Variants in TSPAN13 observed in about 807,000 individuals in gnomAD.
TSPAN13 encodes the protein tetraspanin 13.
Under a neutral mutation model 26.9 loss-of-function variants are expected in TSPAN13, and 18 were observed. The observed-to-expected ratio is 0.67, with a 90% CI of 0.46 to 0.99. The LOEUF is 0.99. Ranked by LOEUF, TSPAN13 falls within the 50% of genes least tolerant of loss-of-function variation. The pLI, the probability that TSPAN13 is intolerant of heterozygous loss-of-function variation, is 0.00. For synonymous variants in TSPAN13, 116 were observed against 98.4 expected, an observed-to-expected ratio of 1.18 and a Z score of -1.06; for missense variants, 201 against 249.6, an observed-to-expected ratio of 0.81 and a Z score of 1.31.
rs187005224 is a variant in TSPAN13 at position 16,763,849 on chromosome 7, A to G, written c.63+9819A>G. On this transcript the variant is annotated intron_variant, in intron 1 of 5. Transcript: ENST00000262067. ...TGCAAAAACAACATGTGTCTAAGAC[A>G]GAGGTCATTCTTATTCTGGGCAGCA... Among the ~76,000 whole-genome samples the G allele has an allele frequency of 9.6e-4, 146 of 152,350 alleles. 1 individual carries two copies. The highest frequency in any genetic ancestry group is 3.3e-3 in the African/African-American group (138 of 41,590).
rs1583795154 is a variant in TSPAN13, at chr7:16,777,215, T to C, written c.312+93T>C. 19 of 937,258 alleles carry C rather than the reference T, an allele frequency of 2.0e-5. No homozygotes were observed. The East Asian group carries it at 4.4e-4, about 22-fold the overall frequency. 58.1% of individuals were successfully genotyped at this position (937,258 alleles called of 1,614,324 possible). A position where few individuals can be genotyped will look rare whatever the true frequency, so the allele number is the denominator to read the frequency against. On this transcript the variant is annotated intron_variant, in intron 3 of 5. Coordinates refer to ENST00000262067, the MANE Select transcript of TSPAN13 (RefSeq NM_014399.4). Reference sequence around the variant, plus strand: ...ATGATTAGAATATAAAATAATTTCGTCTTGCACAGAATGCCACCTTCACTC... The same window carrying C: ...ATGATTAGAATATAAAATAATTTCGCCTTGCACAGAATGCCACCTTCACTC...
chr7:16,772,556 T>G (rs1353440068), intron 1 of TSPAN13, among the ~76,000 whole-genome samples: 1 of 152,170 alleles, frequency 6.6e-6, no homozygotes, highest in Non-Finnish European at 1.5e-5. Context: ...TATGTCACTT[T>G]CTACATTGTG....
At position 16,753,860 on chromosome 7, in the gene TSPAN13, T is replaced by G; in HGVS notation, c.-108T>G. 6.7e-5 allele frequency: 81 copies of G among 1,203,052 alleles called. No homozygotes were observed. Among genetic ancestry groups the G allele is most frequent in the Middle Eastern group, 2.2e-4 (1 of 4,472 alleles). The allele number at this position is 1,203,052 out of a possible 1,614,324, so 74.5% of individuals were successfully genotyped here. A position where few individuals can be genotyped will look rare whatever the true frequency, so the allele number is the denominator to read the frequency against. On this transcript the variant is annotated 5_prime_UTR_variant, in exon 1 of 6. Transcript: ENST00000262067. The stretch of plus-strand genomic sequence containing the variant: ...CCCCGGCCCCCCACCCACGTCTGCG[T>G]TGCTGCCCCGCCTGGGCCAGGCCCC...
chr7:16,760,898 G>C (rs115355099), intron 1 of TSPAN13, among the ~76,000 whole-genome samples: 2,827 of 152,218 alleles, frequency 0.019, 78 homozygotes, highest in African/African-American at 0.064. Context: ...AGGCAATGTC[G>C]CAGTCATTCT....
chr7:16,765,042 AACCACT>A (rs1784590513), intron 1 of TSPAN13, among the ~76,000 whole-genome samples: 1 of 151,928 alleles, frequency 6.6e-6, no homozygotes, highest in South Asian at 2.1e-4. Context: ...TATAGATGTG[AACCACT>A]ATGCCCCACC....
At chr7:16,761,606 C>T (rs1052195827) in intron 1 of TSPAN13, among the ~76,000 whole-genome samples, 1 of 151,930 alleles carries the variant, frequency 6.6e-6, no homozygotes, top group Non-Finnish European at 1.5e-5. Flanking sequence ...CAGCCTTGAA[C>T]CCCTGGGCCC....
At position 16,766,201 on chromosome 7, in the gene TSPAN13, C is replaced by G. The variant is rs150544371; in HGVS notation, c.64-10010C>G. On this transcript the variant is annotated intron_variant, in intron 1 of 5. Coordinates refer to ENST00000262067, the MANE Select transcript of TSPAN13 (RefSeq NM_014399.4). Reference sequence around the variant, plus strand: ...GAAACACCAGTCATACACAAGAAAACACATTGTTTTTAGCTTTTTAAATGA... The same window carrying G: ...GAAACACCAGTCATACACAAGAAAAGACATTGTTTTTAGCTTTTTAAATGA... Among the ~76,000 whole-genome samples the G allele has an allele frequency of 1.8e-3, 272 of 152,234 alleles. 1 individual carries two copies. The highest frequency in any genetic ancestry group is 6.3e-3 in the African/African-American group (262 of 41,556).
At chr7:16,783,396 A>G in intron 5 of TSPAN13, 21 bp from the exon 6 acceptor site, 13 of 1,586,548 alleles carry the variant, frequency 8.2e-6, no homozygotes, top group Non-Finnish European at 1.0e-5. Flanking sequence ...TCTTTACTTT[A>G]TTTTTTTTTC....
At chr7:16,760,015 G>A (rs1784524410) in intron 1 of TSPAN13, among the ~76,000 whole-genome samples, 1 of 152,108 alleles carries the variant, frequency 6.6e-6, no homozygotes, top group Non-Finnish European at 1.5e-5. Context: ...TTATGCAAGG[G>A]ACAGATGAGT....
intron 1 of TSPAN13, among the ~76,000 whole-genome samples, chr7:16,766,254 A>G (rs1012262406): frequency 2.6e-5 from 4 of 152,222 alleles, no homozygotes; most frequent in African/African-American, 9.6e-5. Flanking sequence ...TTGGGTGTTC[A>G]TTAGAAAATT....
intron 3 of TSPAN13, 94 bp downstream of exon 3, chr7:16,777,216 C>G (rs1208096393): frequency 3.2e-6 from 3 of 928,986 alleles, no homozygotes; most frequent in Non-Finnish European, 5.0e-6. Context: ...ATAATTTCGT[C>G]TTGCACAGAA....
At chr7:16,764,818 G>GA (rs989272475) in intron 1 of TSPAN13, among the ~76,000 whole-genome samples, 1 of 151,596 alleles carries the variant, frequency 6.6e-6, no homozygotes, top group African/African-American at 2.4e-5. Context: ...TCTATAGGGA[G>GA]AAAAAAAAGT....
chr7:16,771,887 G>C (rs1029821567), intron 1 of TSPAN13, among the ~76,000 whole-genome samples: 7 of 152,260 alleles, frequency 4.6e-5, no homozygotes, highest in African/African-American at 1.4e-4. Flanking sequence ...GAATGCCCTT[G>C]ACAGAGGGTT....
intron 1 of TSPAN13, among the ~76,000 whole-genome samples, chr7:16,769,572 G>A (rs55792810): frequency 0.043 from 6,492 of 152,110 alleles, 467 homozygotes; most frequent in African/African-American, 0.15. Flanking sequence ...TAAAAAGTAT[G>A]TGAAAAAAAT....
intron 5 of TSPAN13, among the ~76,000 whole-genome samples, chr7:16,780,729 T>A (rs571048773): frequency 5.2e-4 from 79 of 152,316 alleles, no homozygotes; most frequent in Non-Finnish European, 1.0e-3. Flanking sequence ...ATTTAGTTCT[T>A]TTGAGCAGCC....
chr7:16,773,469 C>T (rs915459034), intron 1 of TSPAN13, among the ~76,000 whole-genome samples: 2 of 152,064 alleles, frequency 1.3e-5, no homozygotes, highest in Admixed American at 1.3e-4. Flanking sequence ...TCTGTCACTG[C>T]TTTTGTGTAC....
At chr7:16,759,704 T>C (rs886161287) in intron 1 of TSPAN13, among the ~76,000 whole-genome samples, 2 of 144,094 alleles carry the variant, frequency 1.4e-5, no homozygotes, top group African/African-American at 2.8e-5. Flanking sequence ...TCTTTCTTTT[T>C]TTTTTTTTTT....
intron 5 of TSPAN13, among the ~76,000 whole-genome samples, chr7:16,781,420 C>T (rs1784812363): frequency 6.6e-6 from 1 of 152,196 alleles, no homozygotes; most frequent in African/African-American, 2.4e-5. Context: ...GAGTTGATGA[C>T]ATCTAATCAA....
chr7:16,775,548 C>T (rs1784732682), intron 1 of TSPAN13, among the ~76,000 whole-genome samples: 1 of 152,152 alleles, frequency 6.6e-6, no homozygotes, highest in Non-Finnish European at 1.5e-5. Flanking sequence ...AGCAGCAATT[C>T]TATGAGCAGT....
Sources: gnomAD v4.1 joint callset for allele counts (sites outside exome capture counted in the v4.1 genomes callset) on GRCh38, gnomAD v4.1.1 for gene constraint, MANE v1.5 for transcripts, NCBI Gene and HGNC (gene_info 2026-07-23, HGNC 2026-07-21) for gene names.